MIPEP: variants seen among roughly 807,000 people sequenced by gnomAD.
MIPEP encodes the protein mitochondrial intermediate peptidase.
A neutral mutation model predicts 90.3 loss-of-function variants in MIPEP; 79 were observed. The observed-to-expected ratio is 0.87, with a 90% confidence interval of 0.73 to 1.05. MIPEP has a LOEUF of 1.05. MIPEP is among the 50% of genes least tolerant of loss of function. MIPEP has a pLI of 0.00. For missense variants in MIPEP, 940 were observed against 905.6 expected, an observed-to-expected ratio of 1.04 and a Z score of -0.49; for synonymous variants, 334 against 315.8, an observed-to-expected ratio of 1.06 and a Z score of -0.61.
chr13:23,783,137 G>A (rs1461450641), intron 16 of MIPEP, among the ~76,000 whole-genome samples: 1 of 152,006 alleles, frequency 6.6e-6, no homozygotes, highest in Non-Finnish European at 1.5e-5. Flanking sequence ...ACCAAAGCCG[G>A]GCAGAGACAC....
chr13:23,821,021 C>T (rs1268205508), intron 14 of MIPEP, among the ~76,000 whole-genome samples: 1 of 152,186 alleles, frequency 6.6e-6, no homozygotes, highest in Non-Finnish European at 1.5e-5. Context: ...CTGCAAGCTC[C>T]ACATTTCCCT....
chr13:23,777,955 T>C (rs923155835), intron 16 of MIPEP, among the ~76,000 whole-genome samples: 2 of 152,190 alleles, frequency 1.3e-5, no homozygotes, highest in African/African-American at 4.8e-5. Context: ...GGAAAATGGG[T>C]TAGAAAAAGT....
chr13:23,874,867 TCC>T lies in MIPEP; in HGVS notation c.580_581del (p.Gly194AsnfsTer9). 1 of 1,600,658 alleles carries T rather than the reference TCC, an allele frequency of 6.2e-7. No homozygotes were observed. Among genetic ancestry groups the T allele is most frequent in the Non-Finnish European group, 8.5e-7 (1 of 1,175,642 alleles). ...GTACCTTTTCTTTGTCTAGATGGAT[TCC>T]ACTAATTTCAAAATCAAACATAAAC... ...ELFMFDFEISGIHLDKEKRKR... is the reference protein window; with the variant it reads ...ELFMFDFEISXIHLDKEKRKR... On this transcript the variant is annotated frameshift_variant, in exon 5 of 19. Coordinates refer to ENST00000382172, the MANE Select transcript of MIPEP (RefSeq NM_005932.4). LOFTEE classifies it high-confidence loss of function.
intron 10 of MIPEP, among the ~76,000 whole-genome samples, chr13:23,848,442 C>T (rs992595122): frequency 5.9e-5 from 9 of 152,152 alleles, no homozygotes; most frequent in African/African-American, 2.2e-4. Context: ...CTGCCATGTG[C>T]CTGCATGACA....
intron 14 of MIPEP, among the ~76,000 whole-genome samples, chr13:23,828,094 C>G (rs1396449612): frequency 6.6e-6 from 1 of 152,166 alleles, no homozygotes; most frequent in Non-Finnish European, 1.5e-5. Context: ...AACAATCTGA[C>G]AGCTCAAAAG....
At chr13:23,833,891 C>T in intron 14 of MIPEP, among the ~76,000 whole-genome samples, 1 of 152,122 alleles carries the variant, frequency 6.6e-6, no homozygotes, top group Admixed American at 6.5e-5. Context: ...TCCGAAACCT[C>T]AGACTCCTCA....
chr13:23,889,259 C>G lies in MIPEP; in HGVS notation c.62G>C (p.Arg21Pro). 11 of 1,386,764 alleles carry G rather than the reference C, an allele frequency of 7.9e-6. No individual in the cohort carries two copies. The highest frequency in any genetic ancestry group is 1.0e-5 in the Non-Finnish European group (11 of 1,069,942). The allele number at this position is 1,386,764 out of a possible 1,614,324, so 85.9% of individuals were successfully genotyped here. A position where few individuals can be genotyped will look rare whatever the true frequency, so the allele number is the denominator to read the frequency against. Residue 21 changes from arginine to proline, a missense_variant, in exon 1 of 19, where the codon CGG becomes CCG. Physicochemically the swap from Arg to Pro is moderately radical, Grantham distance 103. Coordinates refer to ENST00000382172, the MANE Select transcript of MIPEP (RefSeq NM_005932.4). Reference protein sequence around the residue: ...GARAAALPPRRAGRGSLEAGI... With the variant: ...GARAAALPPRPAGRGSLEAGI... ...GGCTTCGAGGCTTCCCCGGCCCGCC[C>G]GGCGGGGCGGCAGAGCTGCTGCTCT...
intron 4 of MIPEP, among the ~76,000 whole-genome samples, chr13:23,876,452 G>A (rs1352181976): frequency 6.6e-6 from 1 of 152,170 alleles, no homozygotes; most frequent in East Asian, 1.9e-4. Context: ...TAGAGATGCA[G>A]TTCCACCCAC....
At chr13:23,856,728 G>C (rs868254879) in intron 10 of MIPEP, among the ~76,000 whole-genome samples, 5 of 152,188 alleles carry the variant, frequency 3.3e-5, no homozygotes, top group Middle Eastern at 3.4e-3. Flanking sequence ...ATCCTGTTCT[G>C]GTCAGGAGGT....
At chr13:23,798,773 C>G (rs769616863) in intron 16 of MIPEP, among the ~76,000 whole-genome samples, 1 of 152,074 alleles carries the variant, frequency 6.6e-6, no homozygotes, top group Non-Finnish European at 1.5e-5. Context: ...CCACTCTCCC[C>G]CTTTGCCTTC....
intron 10 of MIPEP, among the ~76,000 whole-genome samples, chr13:23,851,473 C>T (rs1031644281): frequency 6.6e-6 from 1 of 152,206 alleles, no homozygotes; most frequent in African/African-American, 2.4e-5. Flanking sequence ...AAAAGAATGA[C>T]TGACTCAGAT....
intron 16 of MIPEP, among the ~76,000 whole-genome samples, chr13:23,763,414 T>C (rs369889350): frequency 1.3e-5 from 2 of 152,238 alleles, no homozygotes; most frequent in East Asian, 3.8e-4. Context: ...AGGGGCTTTG[T>C]CTTTGAAACA....
chr13:23,852,372 C>T (rs8181878), intron 10 of MIPEP, among the ~76,000 whole-genome samples: 2 of 152,046 alleles, frequency 1.3e-5, no homozygotes, highest in African/African-American at 2.4e-5. Flanking sequence ...ACATAATAAA[C>T]GTATAAGACT....
At chr13:23,815,046 G>C (rs1163645156) in intron 14 of MIPEP, among the ~76,000 whole-genome samples, 1 of 152,178 alleles carries the variant, frequency 6.6e-6, no homozygotes, top group Non-Finnish European at 1.5e-5. Flanking sequence ...AAGATAATGA[G>C]TTTTAAAATG....
chr13:23,771,175 C>T (rs1191633607), intron 16 of MIPEP, among the ~76,000 whole-genome samples: 1 of 152,160 alleles, frequency 6.6e-6, no homozygotes, highest in Admixed American at 6.5e-5. Flanking sequence ...ACCACCCTGA[C>T]CGTGGCCACA....
intron 16 of MIPEP, among the ~76,000 whole-genome samples, chr13:23,794,343 T>C (rs1310608721): frequency 6.6e-6 from 1 of 152,132 alleles, no homozygotes; most frequent in African/African-American, 2.4e-5. Context: ...CAACATAAAA[T>C]TAAAATTAAA....
intron 14 of MIPEP, among the ~76,000 whole-genome samples, chr13:23,834,921 T>C (rs759971044): frequency 1.3e-5 from 2 of 152,152 alleles, no homozygotes; most frequent in Non-Finnish European, 2.9e-5. Context: ...TGTAGATTAA[T>C]GGATGGGTAG....
chr13:23,837,841 C>T (rs1869126011), intron 12 of MIPEP, 85 bp from the exon 13 acceptor site: 3 of 1,072,116 alleles, frequency 2.8e-6, no homozygotes, highest in African/African-American at 3.2e-5. Context: ...TAAAATTTCA[C>T]CAAAAATGTG....
At chr13:23,809,818 C>G in intron 15 of MIPEP, 32 bp downstream of exon 15, 1 of 1,432,200 alleles carries the variant, frequency 7.0e-7, no homozygotes, top group East Asian at 2.3e-5. Flanking sequence ...ATAATGACTC[C>G]GGAAAACTTC....
Sources: allele counts gnomAD v4.1 joint callset (sites outside exome capture counted in the v4.1 genomes callset), GRCh38; gene constraint gnomAD v4.1.1; transcripts MANE v1.5; gene names NCBI Gene and HGNC (gene_info 2026-07-23, HGNC 2026-07-21).